CSMD1: variants seen among roughly 807,000 people sequenced by gnomAD.
CSMD1 encodes the protein CUB and Sushi multiple domains 1.
In CSMD1, 213 loss-of-function variants were observed where a neutral mutation model predicts 417.5. That is an observed-to-expected ratio of 0.51 (90% CI 0.46 to 0.57). The LOEUF is 0.57. Ranked by LOEUF, CSMD1 falls within the 20% of genes least tolerant of loss-of-function variation. CSMD1 has a pLI of 0.00. For missense variants in CSMD1, 6,923 were observed against 4,529.7 expected (o/e 1.53, Z -15.17); for synonymous variants, 2,862 against 1,736.8 (o/e 1.65, Z -16.11).
chr8:3,893,363 T>TATATATATA (rs1563185043), intron 5 of CSMD1, among the ~76,000 whole-genome samples: 10 of 28,814 alleles, frequency 3.5e-4, no homozygotes, highest in African/African-American at 7.0e-4. Context: ...ATATATATAT[T>TATATATATA]ATTTTTTTTC....
intron 1 of CSMD1, among the ~76,000 whole-genome samples, chr8:4,753,034 A>G (rs1811432649): frequency 6.6e-6 from 1 of 152,202 alleles, no homozygotes; most frequent in South Asian, 2.1e-4. Flanking sequence ...AATGCATAAT[A>G]AGAGAAAATA....
chr8:4,112,831 G>T (rs1372491042), intron 3 of CSMD1, among the ~76,000 whole-genome samples: 1 of 152,112 alleles, frequency 6.6e-6, no homozygotes, highest in Non-Finnish European at 1.5e-5. Flanking sequence ...GCTCTTCACT[G>T]TATTGCACTT....
intron 2 of CSMD1, among the ~76,000 whole-genome samples, chr8:4,575,661 A>G (rs1432730540): frequency 3.9e-5 from 6 of 152,222 alleles, no homozygotes; most frequent in Non-Finnish European, 8.8e-5. Flanking sequence ...ACAAAGGAAT[A>G]AAATTGTCTA....
At chr8:4,385,871 T>A (rs1398198250) in intron 3 of CSMD1, among the ~76,000 whole-genome samples, 1 of 152,212 alleles carries the variant, frequency 6.6e-6, no homozygotes, top group Non-Finnish European at 1.5e-5. Context: ...AAATATATGC[T>A]TAAAAATTAA....
intron 18 of CSMD1, among the ~76,000 whole-genome samples, chr8:3,385,861 T>C (rs1810973310): frequency 6.6e-6 from 1 of 151,858 alleles, no homozygotes; most frequent in South Asian, 2.1e-4. Context: ...TGTGGGAAAA[T>C]GCCAGGGCTG....
rs375512599 is a variant in CSMD1, at chr8:4,617,823, T to C, written c.302+19519A>G. Among the ~76,000 whole-genome samples, 36 of 152,282 alleles carry C rather than the reference T, an allele frequency of 2.4e-4. No homozygotes were observed. In the South Asian group the frequency reaches 6.6e-3, roughly 28 times the overall value. ...TTAAATTTTTTATCTCCCTCCTCCA[T>C]GAGTATATTCATTGGAAGAGACCAA... is the stretch of plus-strand genomic sequence containing the variant. On this transcript the variant is annotated intron_variant, in intron 2 of 69. Transcript: ENST00000635120.
intron 3 of CSMD1, among the ~76,000 whole-genome samples, chr8:4,366,021 G>A (rs1802048298): frequency 6.6e-6 from 1 of 152,118 alleles, no homozygotes; most frequent in Non-Finnish European, 1.5e-5. Context: ...GAATGAGCCT[G>A]TCGCCCAGGT....
intron 10 of CSMD1, among the ~76,000 whole-genome samples, chr8:3,526,341 A>G (rs1349616765): frequency 6.6e-6 from 1 of 152,110 alleles, no homozygotes; most frequent in Non-Finnish European, 1.5e-5. Flanking sequence ...GAAATTGGAC[A>G]CTCCAAATCC....
chr8:3,826,004 T>C (rs1381779883), intron 5 of CSMD1, among the ~76,000 whole-genome samples: 3 of 152,214 alleles, frequency 2.0e-5, no homozygotes, highest in Middle Eastern at 3.2e-3. Context: ...TATCACTTTA[T>C]TCACTTGCCT....
chr8:4,206,920 C>T (rs1322108206), intron 3 of CSMD1, among the ~76,000 whole-genome samples: 1 of 152,062 alleles, frequency 6.6e-6, no homozygotes, highest in Non-Finnish European at 1.5e-5. Context: ...TAGAGTTGGG[C>T]AAATTGCCCT....
intron 3 of CSMD1, among the ~76,000 whole-genome samples, chr8:4,143,395 A>G (rs1422789014): frequency 6.8e-6 from 1 of 146,316 alleles, no homozygotes; most frequent in South Asian, 2.1e-4. Context: ...TTTGCTACAG[A>G]CTAAGTTAAT....
chr8:3,416,353 CT>C (rs1813151740), intron 12 of CSMD1, among the ~76,000 whole-genome samples: 2 of 137,908 alleles, frequency 1.5e-5, no homozygotes, highest in South Asian at 4.9e-4. Flanking sequence ...GTTTAGAAAA[CT>C]GGCCCTTTAA....
rs1399046385 is a variant in CSMD1, at chr8:3,331,209, G to A, written c.3631+12085C>T. On this transcript the variant is annotated intron_variant, in intron 23 of 69. Coordinates refer to ENST00000635120, the MANE Select transcript of CSMD1 (RefSeq NM_033225.6). ...GCCGAGATCGTGCCACTGCACTCCA[G>A]CCTGGCCGACAGAACGAGACTCCGT... Among the ~76,000 whole-genome samples the A allele has an allele frequency of 2.6e-4, 38 of 147,252 alleles. 1 individual carries two copies. Among genetic ancestry groups the A allele is most frequent in the African/African-American group, 9.8e-4 (38 of 38,624 alleles).
At chr8:3,368,058 G>C (rs1286551944) in intron 19 of CSMD1, among the ~76,000 whole-genome samples, 1 of 152,022 alleles carries the variant, frequency 6.6e-6, no homozygotes, top group Admixed American at 6.6e-5. Context: ...GCTTATTTCT[G>C]GATTCCTATA....
intron 3 of CSMD1, among the ~76,000 whole-genome samples, chr8:4,191,275 A>C (rs1014654317): frequency 1.3e-5 from 2 of 152,076 alleles, no homozygotes; most frequent in Non-Finnish European, 2.9e-5. Context: ...AGGCACCTGT[A>C]GTCCCAGCTA....
chr8:4,206,148 G>C (rs1024438917), intron 3 of CSMD1, among the ~76,000 whole-genome samples: 4 of 152,150 alleles, frequency 2.6e-5, no homozygotes, highest in African/African-American at 4.8e-5. Context: ...CTTTTCCCTG[G>C]CTATTATTCA....
At chr8:4,450,743 A>G (rs1180299246) in intron 2 of CSMD1, among the ~76,000 whole-genome samples, 1 of 152,214 alleles carries the variant, frequency 6.6e-6, no homozygotes, top group African/African-American at 2.4e-5. Context: ...GAATAGCAAC[A>G]AAACAGCGGT....
intron 1 of CSMD1, among the ~76,000 whole-genome samples, chr8:4,717,492 A>G (rs959505931): frequency 5.9e-5 from 9 of 151,732 alleles, no homozygotes; most frequent in Non-Finnish European, 8.8e-5. Context: ...CTTTCTATAT[A>G]TGTATCTACC....
At chr8:3,290,024 C>G (rs1413664198) in intron 25 of CSMD1, among the ~76,000 whole-genome samples, 1 of 147,210 alleles carries the variant, frequency 6.8e-6, no homozygotes, top group Non-Finnish European at 1.5e-5. Context: ...GGAAGGGATC[C>G]AGTTTCAGCT....
Sources: allele counts gnomAD v4.1 joint callset (sites outside exome capture counted in the v4.1 genomes callset), GRCh38; gene constraint gnomAD v4.1.1; transcripts MANE v1.5; gene names NCBI Gene and HGNC (gene_info 2026-07-23, HGNC 2026-07-21).